Variants in PCDHGA2 observed in about 807,000 individuals in gnomAD.
The protein encoded by PCDHGA2 is protocadherin gamma-A2.
A neutral mutation model predicts 59.2 loss-of-function variants in PCDHGA2; 40 were observed. The observed-to-expected ratio is 0.68, with a 90% CI of 0.52 to 0.88. The LOEUF is 0.88. PCDHGA2 is among the 40% of genes least tolerant of loss of function. The pLI, the probability that PCDHGA2 is intolerant of heterozygous loss-of-function variation, is 0.00. For missense variants in PCDHGA2, 1,226 were observed against 1,204.0 expected (o/e 1.02, Z -0.27); for synonymous variants, 560 against 526.0 (o/e 1.06, Z -0.89).
chr5:141,352,572 C>T (rs1243165903), intron 1 of PCDHGA2: 2 of 1,613,804 alleles, frequency 1.2e-6, no homozygotes, highest in African/African-American at 1.3e-5. Context: ...CCGGAAATGG[C>T]TCCCCCTCAG....
chr5:141,357,739 C>A (rs1760721211), intron 1 of PCDHGA2: 1 of 1,286,180 alleles, frequency 7.8e-7, no homozygotes, highest in Non-Finnish European at 1.1e-6. Context: ...TATTTTATTG[C>A]TTTAAAGAAA....
chr5:141,372,626 C>A lies in PCDHGA2; in HGVS notation c.2424+31231C>A, dbSNP rs1385028650. Reference sequence around the variant, plus strand: ...TACCTGGAGTTCTCCCCACCTACAGCGAAAGGACTTTGCCTTATTCCTACA... The same window carrying A: ...TACCTGGAGTTCTCCCCACCTACAGAGAAAGGACTTTGCCTTATTCCTACA... On this transcript the variant is annotated intron_variant, in intron 1 of 3. Coordinates refer to ENST00000394576, the MANE Select transcript of PCDHGA2 (RefSeq NM_018915.4). 5 of 1,613,792 alleles carry A rather than the reference C, an allele frequency of 3.1e-6. No individual in the cohort carries two copies. The African/African-American group carries it at 6.7e-5, about 22-fold the overall frequency.
In PCDHGA2 at chr5:141,486,546, G is replaced by A. The variant is rs1156517969; in HGVS notation, c.2425-8261G>A. Reference sequence around the variant, plus strand: ...GATAATCCACCCTCTTTCTTTCAGAGGTCACATGAGGTGTTTGTTCCTGAG... The same window carrying A: ...GATAATCCACCCTCTTTCTTTCAGAAGTCACATGAGGTGTTTGTTCCTGAG... On this transcript the variant is annotated intron_variant, in intron 1 of 3. Coordinates refer to ENST00000394576, the MANE Select transcript of PCDHGA2 (RefSeq NM_018915.4). The surrounding 1 kb of genome is among the most constrained non-coding windows in gnomAD (Gnocchi z 5.0). 3 of 1,614,084 alleles carry A rather than the reference G, an allele frequency of 1.9e-6. No homozygotes were observed. The East Asian group carries it at 6.7e-5, about 36-fold the overall frequency.
At chr5:141,409,330 C>T (rs920851409) in intron 1 of PCDHGA2, 1 of 1,613,836 alleles carries the variant, frequency 6.2e-7, no homozygotes, top group African/African-American at 1.3e-5. Flanking sequence ...ATCTGGATTT[C>T]GGAGGAAATG....
chr5:141,494,100 G>A (rs559145191), intron 1 of PCDHGA2, among the ~76,000 whole-genome samples: 7 of 152,270 alleles, frequency 4.6e-5, no homozygotes, highest in South Asian at 2.1e-4. Flanking sequence ...ATTTTTCTCC[G>A]TCTCAGACAG....
At chr5:141,503,230 G>A (rs911238781) in intron 2 of PCDHGA2, among the ~76,000 whole-genome samples, 1 of 152,006 alleles carries the variant, frequency 6.6e-6, no homozygotes, top group African/African-American at 2.4e-5. Context: ...CCGTAAAGAT[G>A]GACAGTTTCT....
chr5:141,477,220 G>A lies in PCDHGA2; in HGVS notation c.2425-17587G>A. 24 of 1,614,190 alleles carry A rather than the reference G, an allele frequency of 1.5e-5. No individual in the cohort carries two copies. The highest frequency in any genetic ancestry group is 1.9e-5 in the Non-Finnish European group (23 of 1,180,040). ...CAGTACCCGAGGATGCCCCTCTGGG[G>A]ACTGTCATCGCTTTGCTCAGTGTGA... is the stretch of plus-strand genomic sequence containing the variant. On this transcript the variant is annotated intron_variant, in intron 1 of 3. Coordinates refer to ENST00000394576, the MANE Select transcript of PCDHGA2 (RefSeq NM_018915.4). The surrounding 1 kb of genome is among the most constrained non-coding windows in gnomAD (Gnocchi z 4.9).
At chr5:141,453,029 A>G (rs1014709934) in intron 1 of PCDHGA2, among the ~76,000 whole-genome samples, 1 of 152,206 alleles carries the variant, frequency 6.6e-6, no homozygotes, top group Non-Finnish European at 1.5e-5. Context: ...TCATTAAAAT[A>G]AAGTTTGTTT....
At position 141,494,872 on chromosome 5, in the gene PCDHGA2, G is replaced by T. The variant is rs917132299; in HGVS notation, c.2483+7G>T. On this transcript the variant is annotated splice_region_variant and intron_variant, in intron 2 of 3. Transcript: ENST00000394576. The stretch of plus-strand genomic sequence containing the variant: ...AGAGACCCGGCACCAGCGGGTAGGT[G>T]ACTGATTCTCCAGCCCACCCTCTTC... 7 of 1,614,010 alleles carry T rather than the reference G, an allele frequency of 4.3e-6. No homozygotes were observed. The highest frequency in any genetic ancestry group is 1.3e-5 in the African/African-American group (1 of 74,910).
At chr5:141,478,174 GA>G (rs1156842877) in intron 1 of PCDHGA2, 1 of 1,613,574 alleles carries the variant, frequency 6.2e-7, no homozygotes, top group East Asian at 2.2e-5. Context: ...CCCGGGAGCA[GA>G]AAAAAAATCT....
At chr5:141,382,871 G>C (rs764156663) in intron 1 of PCDHGA2, 22 of 1,520,388 alleles carry the variant, frequency 1.4e-5, no homozygotes, top group Admixed American at 8.9e-5. Flanking sequence ...TCCCGAGATC[G>C]GCGCCTAAGC....
At chr5:141,382,983 A>G (rs1377762297) in intron 1 of PCDHGA2, 4 of 1,612,430 alleles carry the variant, frequency 2.5e-6, no homozygotes, top group Non-Finnish European at 3.4e-6. Flanking sequence ...AAGCCTGGGC[A>G]GGACGTATTC....
At chr5:141,415,395 CGGCTCGCACTTT>C (rs2095864519) in intron 1 of PCDHGA2, 2 of 1,614,092 alleles carry the variant, frequency 1.2e-6, no homozygotes. Flanking sequence ...CAGGTGTGTC[CGGCTCGCACTTT>C]GTGGGCGTGG....
At position 141,444,152 on chromosome 5, in the gene PCDHGA2, A is replaced by ATTTTTTTTTTT. The variant is rs747671382; in HGVS notation, c.2425-50629_2425-50619dup. 8.9e-5 allele frequency among the ~76,000 whole-genome samples: 3 copies of ATTTTTTTTTTT among 33,898 alleles called. 1 individual carries two copies. Among genetic ancestry groups the ATTTTTTTTTTT allele is most frequent in the African/African-American group, 4.2e-4 (3 of 7,184 alleles). 22.2% of individuals were successfully genotyped at this position (33,898 alleles called of 152,430 possible). On this transcript the variant is annotated intron_variant, in intron 1 of 3. Transcript: ENST00000394576. Reference sequence around the variant, plus strand: ...GATATGTGTCACTTGTGTGTACTGGATTTTTTTTTTTTTTTTTTTTTTTTT... The same window carrying ATTTTTTTTTTT: ...GATATGTGTCACTTGTGTGTACTGGATTTTTTTTTTTTTTTTTTTTTTTTTTTTTTTTTTTT...
Position 141,491,869 on chromosome 5 carries a change from G to A in PCDHGA2, c.2425-2938G>A. On this transcript the variant is annotated intron_variant, in intron 1 of 3. Transcript: ENST00000394576. The surrounding 1 kb of genome is among the most constrained non-coding windows in gnomAD (Gnocchi z 6.9). ...GGACCGTTTGCGCGAAACCAGAGTG[G>A]CCGATTAAGGGATGGGGCTCCGAGC... The A allele has an allele frequency of 6.9e-7, 1 of 1,453,094 alleles. No individual in the cohort carries two copies. Among genetic ancestry groups the A allele is most frequent in the Non-Finnish European group, 9.1e-7 (1 of 1,099,380 alleles). 90.0% of individuals were successfully genotyped at this position (1,453,094 alleles called of 1,614,324 possible).
In PCDHGA2 at chr5:141,477,533, G is replaced by C. The variant is rs780541121; in HGVS notation, c.2425-17274G>C. On this transcript the variant is annotated intron_variant, in intron 1 of 3. Transcript: ENST00000394576. This position sits in a 1 kb window ranked among gnomAD's most constrained non-coding sequence, Gnocchi z 4.9. ...TTACATTGAAGAAAACAACCTCCCC[G>C]GGGCTCCAATACTAAACCTAAGTGT... The C allele has an allele frequency of 6.2e-7, 1 of 1,613,892 alleles. No individual in the cohort carries two copies. The highest frequency in any genetic ancestry group is 1.3e-5 in the African/African-American group (1 of 74,852).
chr5:141,453,101 T>TTTCTG (rs1554138035), intron 1 of PCDHGA2, among the ~76,000 whole-genome samples: 1 of 152,012 alleles, frequency 6.6e-6, no homozygotes, highest in Non-Finnish European at 1.5e-5. Context: ...TTCTGTTGCT[T>TTTCTG]TTTTGTTTTG....
At chr5:141,359,332 G>A (rs1761178840) in intron 1 of PCDHGA2, among the ~76,000 whole-genome samples, 1 of 152,092 alleles carries the variant, frequency 6.6e-6, no homozygotes, top group Non-Finnish European at 1.5e-5. Flanking sequence ...ATATATTCCA[G>A]AATGAGAGTG....
rs752660538 is a variant in PCDHGA2 at position 141,486,495 on chromosome 5, T to C, written c.2425-8312T>C. 1 of 1,614,074 alleles carries C rather than the reference T, an allele frequency of 6.2e-7. No individual in the cohort carries two copies. The highest frequency in any genetic ancestry group is 8.5e-7 in the Non-Finnish European group (1 of 1,179,922). On this transcript the variant is annotated intron_variant, in intron 1 of 3. Transcript: ENST00000394576. The surrounding 1 kb of genome is among the most constrained non-coding windows in gnomAD (Gnocchi z 5.0). ...CCTCCTCTCAGTACCCACAGAACTA[T>C]TTTCCTCAATATTTCAGATGTGAAT...
Sources: gnomAD v4.1 joint callset for allele counts (sites outside exome capture counted in the v4.1 genomes callset) on GRCh38, gnomAD v4.1.1 for gene constraint, Gnocchi (gnomAD v3.1) non-coding constraint, MANE v1.5 for transcripts, NCBI Gene and HGNC (gene_info 2026-07-23, HGNC 2026-07-21) for gene names.